The following CACNA1C variants were observed in gnomAD, a reference collection of about 807,000 sequenced individuals.
CACNA1C encodes voltage-dependent L-type calcium channel subunit alpha-1C.
A neutral mutation model predicts 229.0 loss-of-function variants in CACNA1C; 30 were observed. The observed-to-expected ratio is 0.13, with a 90% CI of 0.10 to 0.18. CACNA1C has a LOEUF of 0.18. CACNA1C is among the 10% of genes least tolerant of loss of function. CACNA1C has a pLI of 1.00. For synonymous variants in CACNA1C, 1,114 were observed against 1,132.5 expected (o/e 0.98, Z 0.33); for missense variants, 1,658 against 2,845.0 (o/e 0.58, Z 9.49).
At chr12:1,996,648 AAAAAAAACAAC>A (rs1327185584) in intron 1 of CACNA1C, among the ~76,000 whole-genome samples, 1,009 of 49,448 alleles carry the variant, frequency 0.02, 97 homozygotes, top group Non-Finnish European at 0.028. Context: ...AAAAAAAAAA[AAAAAAAACAAC>A]AAACTCTTCT....
At chr12:2,305,961 C>T (rs2094976173) in intron 3 of CACNA1C, among the ~76,000 whole-genome samples, 1 of 152,174 alleles carries the variant, frequency 6.6e-6, no homozygotes, top group African/African-American at 2.4e-5. Flanking sequence ...CTCATATTAG[C>T]TCATGTAATC....
rs1358177774 is a variant in CACNA1C at position 2,639,205 on chromosome 12, TC to T, written c.3912+4827del. On this transcript the variant is annotated intron_variant, in intron 30 of 46. Coordinates refer to ENST00000399655, the MANE Select transcript of CACNA1C (RefSeq NM_000719.7). This position sits in a 1 kb window ranked among gnomAD's most constrained non-coding sequence, Gnocchi z 4.2. ...CCTGGGTCTAAATCCGAGCTTTTCT[TC>T]CTCTGTGAGCCGGGGAGGTAAGAGT... Among the ~76,000 whole-genome samples the T allele has an allele frequency of 6.6e-6, 1 of 152,220 alleles. No homozygotes were observed. The highest frequency in any genetic ancestry group is 1.5e-5 in the Non-Finnish European group (1 of 68,036).
At chr12:2,154,691 A>C (rs1459461885) in intron 3 of CACNA1C, among the ~76,000 whole-genome samples, 1 of 152,152 alleles carries the variant, frequency 6.6e-6, no homozygotes, top group African/African-American at 2.4e-5. Flanking sequence ...TGAAGCCTAG[A>C]ACGCCCCCCT....
At chr12:2,471,378 G>A (rs2099591452) in intron 5 of CACNA1C, among the ~76,000 whole-genome samples, 1 of 152,252 alleles carries the variant, frequency 6.6e-6, no homozygotes, top group South Asian at 2.1e-4. Context: ...ATAAAACATA[G>A]TATTTTATAT....
intron 3 of CACNA1C, among the ~76,000 whole-genome samples, chr12:2,345,558 C>G (rs2096988458): frequency 6.6e-6 from 1 of 152,194 alleles, no homozygotes; most frequent in Admixed American, 6.5e-5. Context: ...AATGTTGAAA[C>G]TGAGGCACTG....
intron 3 of CACNA1C, among the ~76,000 whole-genome samples, chr12:2,165,883 T>A (rs540977586): frequency 6.6e-6 from 1 of 152,182 alleles, no homozygotes; most frequent in African/African-American, 2.4e-5. Flanking sequence ...AGTTTTAACA[T>A]TGACTCTCAG....
rs1565818467 is a variant in CACNA1C, at chr12:2,120,442, A to G, written c.477+12A>G. ...CCAATTCCAACCTGGTAAGTCCACC[A>G]TCCTCAAGTCTCTGCTTTTTCACTC... On this transcript the variant is annotated intron_variant, in intron 3 of 46. Coordinates refer to ENST00000399655, the MANE Select transcript of CACNA1C (RefSeq NM_000719.7). The G allele has an allele frequency of 7.1e-7, 1 of 1,403,482 alleles. No homozygotes were observed. The highest frequency in any genetic ancestry group is 1.2e-5 in the South Asian group (1 of 86,760). 86.9% of individuals were successfully genotyped at this position (1,403,482 alleles called of 1,614,324 possible).
intron 9 of CACNA1C, among the ~76,000 whole-genome samples, chr12:2,519,783 C>A (rs1555714365): frequency 6.6e-6 from 1 of 152,174 alleles, no homozygotes; most frequent in Non-Finnish European, 1.5e-5. Context: ...TTGTGAGAGG[C>A]ATCTCACCCA....
Position 2,275,699 on chromosome 12 carries a change from G to A in CACNA1C, c.477+155269G>A, listed in dbSNP as rs1014413919. Among the ~76,000 whole-genome samples, 4 of 150,726 alleles carry A rather than the reference G, an allele frequency of 2.7e-5. No homozygotes were observed. The highest frequency in any genetic ancestry group is 5.0e-5 in the African/African-American group (2 of 40,054). ...GATTGGATTTGACCTTTTCGCTTGT[G>A]GTCGGGCCAGGTTGAGCAGGAAACC... is the stretch of plus-strand genomic sequence containing the variant. On this transcript the variant is annotated intron_variant, in intron 3 of 46. Coordinates refer to ENST00000399655, the MANE Select transcript of CACNA1C (RefSeq NM_000719.7). The surrounding 1 kb of genome is among the most constrained non-coding windows in gnomAD (Gnocchi z 4.1).
At chr12:2,682,852 C>T (rs796677688) in intron 43 of CACNA1C, among the ~76,000 whole-genome samples, 174 bp downstream of exon 43, 3 of 34,062 alleles carry the variant, frequency 8.8e-5, no homozygotes, top group East Asian at 6.2e-4. Flanking sequence ...AGCCCCCCAA[C>T]ACACAACACA....
chr12:2,545,124 TC>T (rs2099878699), intron 9 of CACNA1C, among the ~76,000 whole-genome samples: 1 of 152,008 alleles, frequency 6.6e-6, no homozygotes, highest in Non-Finnish European at 1.5e-5. Flanking sequence ...TTACACAAAA[TC>T]CACTTTTCCT....
At chr12:2,022,460 G>GA (rs2046623783) in intron 1 of CACNA1C, among the ~76,000 whole-genome samples, 1 of 137,508 alleles carries the variant, frequency 7.3e-6, no homozygotes. Flanking sequence ...ATGCCCTAAG[G>GA]AACTTTTTTT....
intron 38 of CACNA1C, among the ~76,000 whole-genome samples, chr12:2,673,298 C>G (rs762216090): frequency 2.6e-5 from 4 of 151,970 alleles, no homozygotes; most frequent in Non-Finnish European, 5.9e-5. Flanking sequence ...GAAACCCCAT[C>G]TCTACTAAAA....
At chr12:2,185,195 T>C (rs1402309700) in intron 3 of CACNA1C, among the ~76,000 whole-genome samples, 1 of 152,218 alleles carries the variant, frequency 6.6e-6, no homozygotes, top group Non-Finnish European at 1.5e-5. Context: ...GCCCACATTC[T>C]TCTCTATTTG....
chr12:1,998,051 G>C, intron 1 of CACNA1C: 2 of 1,341,854 alleles, frequency 1.5e-6, no homozygotes. Context: ...AATTCTCATA[G>C]AATAGGAATT....
At chr12:2,461,609 A>G (rs1367045072) in intron 5 of CACNA1C, among the ~76,000 whole-genome samples, 1 of 152,182 alleles carries the variant, frequency 6.6e-6, no homozygotes, top group African/African-American at 2.4e-5. Context: ...GTCTGAATAG[A>G]TAATAAGTAT....
chr12:2,588,987 G>A (rs375359215), intron 18 of CACNA1C, among the ~76,000 whole-genome samples: 2 of 152,184 alleles, frequency 1.3e-5, no homozygotes, highest in South Asian at 2.1e-4. Flanking sequence ...GAGTCTGGGG[G>A]CTTCATGCAG....
intron 1 of CACNA1C, among the ~76,000 whole-genome samples, chr12:2,011,668 A>G (rs538061309): frequency 7.2e-5 from 11 of 152,374 alleles, no homozygotes; most frequent in South Asian, 2.1e-4. Flanking sequence ...CAATATGTTT[A>G]GGGAAACATC....
intron 5 of CACNA1C, among the ~76,000 whole-genome samples, chr12:2,482,569 G>A (rs376081759): frequency 2.0e-5 from 3 of 152,282 alleles, no homozygotes; most frequent in Admixed American, 6.5e-5. Flanking sequence ...GGCTGCTGTC[G>A]CCCATGGCAA....
Sources: allele counts gnomAD v4.1 joint callset (sites outside exome capture counted in the v4.1 genomes callset), GRCh38; gene constraint gnomAD v4.1.1; non-coding constraint Gnocchi (gnomAD v3.1); transcripts MANE v1.5; gene names NCBI Gene and HGNC (gene_info 2026-07-23, HGNC 2026-07-21).